MTSS1: variants seen among roughly 807,000 people sequenced by gnomAD.
MTSS1 encodes the protein protein MTSS 1.
MTSS1 carries 18 observed loss-of-function variants against 79.0 expected under a neutral mutation model. The ratio of observed to expected loss-of-function variants is 0.23; its 90% confidence interval spans 0.16 to 0.34. The LOEUF is 0.34. Ranked by LOEUF, MTSS1 falls within the 10% of genes least tolerant of loss-of-function variation. MTSS1 has a pLI of 1.00. For missense variants in MTSS1, 815 were observed against 986.2 expected, an observed-to-expected ratio of 0.83 and a Z score of 2.33; for synonymous variants, 341 against 368.6, an observed-to-expected ratio of 0.93 and a Z score of 0.86.
intron 3 of MTSS1, among the ~76,000 whole-genome samples, chr8:124,697,560 CA>C (rs906095650): frequency 1.5e-5 from 2 of 135,850 alleles, no homozygotes; most frequent in African/African-American, 2.7e-5. Context: ...GATTCTGTCT[CA>C]AAAAAAAACA....
chr8:124,726,236 G>A (rs2135901799), intron 1 of MTSS1, among the ~76,000 whole-genome samples: 1 of 152,320 alleles, frequency 6.6e-6, no homozygotes, highest in Admixed American at 6.5e-5. Flanking sequence ...CCCACCCTTT[G>A]GGCAGGTCAC....
intron 3 of MTSS1, among the ~76,000 whole-genome samples, chr8:124,676,741 G>C (rs1335660463): frequency 6.6e-6 from 1 of 152,118 alleles, no homozygotes; most frequent in Non-Finnish European, 1.5e-5. Flanking sequence ...AAGGTTTGGG[G>C]CTTCAAATTC....
intron 11 of MTSS1, among the ~76,000 whole-genome samples, chr8:124,557,423 C>T (rs1824110136): frequency 6.6e-6 from 1 of 152,188 alleles, no homozygotes; most frequent in Non-Finnish European, 1.5e-5. Flanking sequence ...ACTGCACTGC[C>T]GTCCATCAGG....
rs1827017184 is a variant in MTSS1 at position 124,568,520 on chromosome 8, C to T, written c.477G>A (p.Gln159=). ...KKAKKGRGDI[Q]PQLDSALQDV... The stretch of plus-strand genomic sequence containing the variant: ...CTTGGAGAGCACTGTCCAACTGAGG[C>T]TGGATATCACCTCTCCCTGCAAAAA... Residue 159 remains glutamine (Q), a synonymous_variant, in exon 7 of 14, where the codon CAG becomes CAA. Coordinates refer to ENST00000518547, the MANE Select transcript of MTSS1 (RefSeq NM_014751.6). 1 of 1,614,190 alleles carries T rather than the reference C, an allele frequency of 6.2e-7. No individual in the cohort carries two copies. Among genetic ancestry groups the T allele is most frequent in the Non-Finnish European group, 8.5e-7 (1 of 1,180,034 alleles).
intron 2 of MTSS1, among the ~76,000 whole-genome samples, chr8:124,702,128 G>A (rs1163091387): frequency 2.0e-5 from 3 of 152,160 alleles, no homozygotes; most frequent in Non-Finnish European, 4.4e-5. Flanking sequence ...ACTGATAAAA[G>A]GGGAAGATAA....
chr8:124,673,780 AG>A (rs1343818548), intron 3 of MTSS1, among the ~76,000 whole-genome samples: 1 of 152,164 alleles, frequency 6.6e-6, no homozygotes, highest in East Asian at 1.9e-4. Flanking sequence ...TCTCTTTTTT[AG>A]AAGCCTAAGA....
At chr8:124,556,056 C>G (rs1444970272) in intron 12 of MTSS1, 152 bp from the exon 13 acceptor site, 2 of 1,541,020 alleles carry the variant, frequency 1.3e-6, no homozygotes, top group Admixed American at 2.0e-5. Context: ...TTCTGCCTCT[C>G]TCATTCCCAC....
At chr8:124,558,052 G>A (rs116834121) in intron 10 of MTSS1, 177 bp from the exon 11 acceptor site, 7,254 of 569,600 alleles carry the variant, frequency 0.013, 60 homozygotes, top group Non-Finnish European at 0.016. Flanking sequence ...GAAAAGAGCC[G>A]GGGTGCAAAG....
chr8:124,558,703 G>T, intron 10 of MTSS1: 1 of 1,536,694 alleles, frequency 6.5e-7, no homozygotes, highest in Non-Finnish European at 8.7e-7. Flanking sequence ...GCTGCCACCC[G>T]GGCGGTCACC....
chr8:124,633,513 G>A (rs1816407810), intron 3 of MTSS1, among the ~76,000 whole-genome samples: 1 of 152,046 alleles, frequency 6.6e-6, no homozygotes, highest in Non-Finnish European at 1.5e-5. Flanking sequence ...GTTTACGCTT[G>A]TAATCCCCGC....
intron 13 of MTSS1, 144 bp downstream of exon 13, chr8:124,555,598 A>G: frequency 9.1e-7 from 1 of 1,095,828 alleles, no homozygotes; most frequent in Non-Finnish European, 1.3e-6. Flanking sequence ...TGAGCTCCCC[A>G]AAGCATTCCC....
chr8:124,589,731 A>G lies in MTSS1; in HGVS notation c.294-20T>C, dbSNP rs765455916. The G allele has an allele frequency of 6.6e-5, 97 of 1,467,460 alleles. No individual in the cohort carries two copies. Among genetic ancestry groups the G allele is most frequent in the South Asian group, 3.6e-4 (31 of 85,540 alleles). 90.9% of individuals were successfully genotyped at this position (1,467,460 alleles called of 1,614,324 possible). ...AAAGCGCTTTTACCAAGCGGGGGGG[A>G]AAAAGGGAGAAATTAAATAGATACA... On this transcript the variant is annotated intron_variant, in intron 4 of 13. Transcript: ENST00000518547.
At chr8:124,675,286 C>T (rs1184221509) in intron 3 of MTSS1, among the ~76,000 whole-genome samples, 5 of 152,214 alleles carry the variant, frequency 3.3e-5, no homozygotes, top group Non-Finnish European at 7.3e-5. Context: ...AGAGCCAGTC[C>T]TACAACTGTC....
chr8:124,662,994 C>T (rs1822360202), intron 3 of MTSS1, among the ~76,000 whole-genome samples: 1 of 152,144 alleles, frequency 6.6e-6, no homozygotes, highest in Non-Finnish European at 1.5e-5. Flanking sequence ...GGCAGCTGCT[C>T]TCCTTTAGCC....
At chr8:124,694,882 A>T (rs1312431155) in intron 3 of MTSS1, among the ~76,000 whole-genome samples, 1 of 152,206 alleles carries the variant, frequency 6.6e-6, no homozygotes, top group Non-Finnish European at 1.5e-5. Context: ...ATTTAAAACA[A>T]ATTGTATATT....
intron 3 of MTSS1, among the ~76,000 whole-genome samples, chr8:124,641,508 A>G (rs1005913187): frequency 6.6e-6 from 1 of 152,202 alleles, no homozygotes; most frequent in Admixed American, 6.5e-5. Context: ...AACATATGGA[A>G]AGTGCCCAGC....
At chr8:124,707,623 G>C (rs181669181) in intron 1 of MTSS1, among the ~76,000 whole-genome samples, 121 of 152,062 alleles carry the variant, frequency 8.0e-4, no homozygotes, top group Middle Eastern at 3.4e-3. Flanking sequence ...GCAGAGAATT[G>C]CTTGAACCCG....
chr8:124,662,878 TG>T (rs1246410177), intron 3 of MTSS1, among the ~76,000 whole-genome samples: 1 of 152,132 alleles, frequency 6.6e-6, no homozygotes, highest in African/African-American at 2.4e-5. Flanking sequence ...AATGTACCCT[TG>T]CAGTCAGATA....
At chr8:124,668,480 C>T (rs1175687441) in intron 3 of MTSS1, among the ~76,000 whole-genome samples, 4 of 152,198 alleles carry the variant, frequency 2.6e-5, no homozygotes, top group African/African-American at 9.7e-5. Flanking sequence ...ACCAGGTCCA[C>T]AGGTGAACTC....
Sources: gnomAD v4.1 joint callset for allele counts (sites outside exome capture counted in the v4.1 genomes callset) on GRCh38, gnomAD v4.1.1 for gene constraint, MANE v1.5 for transcripts, NCBI Gene and HGNC (gene_info 2026-07-23, HGNC 2026-07-21) for gene names.